TBK1: variants seen among roughly 807,000 people sequenced by gnomAD.
The protein encoded by TBK1 is serine/threonine-protein kinase TBK1.
In TBK1, 37 loss-of-function variants were observed where a neutral mutation model predicts 99.9. The observed-to-expected ratio is 0.37, with a 90% CI of 0.28 to 0.49. The LOEUF (loss-of-function observed/expected upper bound fraction) is 0.49. Among genes scored for constraint, TBK1 ranks in the 20% least tolerant of loss-of-function variants. The pLI is 0.98. For synonymous variants in TBK1, 258 were observed against 279.8 expected, an observed-to-expected ratio of 0.92 and a Z score of 0.78; for missense variants, 644 against 872.5, an observed-to-expected ratio of 0.74 and a Z score of 3.30.
At chr12:64,477,475 A>G (rs938894310) in intron 6 of TBK1, among the ~76,000 whole-genome samples, 1 of 152,162 alleles carries the variant, frequency 6.6e-6, no homozygotes, top group Non-Finnish European at 1.5e-5. Context: ...GTGTATAGAA[A>G]TGCTACTGAT....
intron 20 of TBK1, among the ~76,000 whole-genome samples, chr12:64,499,254 A>C (rs1592378307): frequency 6.6e-6 from 1 of 151,878 alleles, no homozygotes; most frequent in East Asian, 2.0e-4. Context: ...CATGTTGGCC[A>C]TGCTGGTCTT....
At chr12:64,484,684 A>G (rs1462081822) in intron 9 of TBK1, among the ~76,000 whole-genome samples, 185 bp downstream of exon 9, 1 of 152,128 alleles carries the variant, frequency 6.6e-6, no homozygotes, top group Non-Finnish European at 1.5e-5. Context: ...CCCAAGAGGC[A>G]GAGGTTGCAG....
chr12:64,501,400 A>C lies in TBK1; in HGVS notation c.*19A>C, dbSNP rs759279413. ...TCTTTAGCTTTCTAATAGAAGTTTA[A>C]GAAAAGTTTCCGTTTGCACAAGAAA... On this transcript the variant is annotated 3_prime_UTR_variant, in exon 21 of 21. Transcript: ENST00000331710. The C allele has an allele frequency of 6.1e-5, 99 of 1,612,026 alleles. No homozygotes were observed. Among genetic ancestry groups the C allele is most frequent in the Non-Finnish European group, 8.1e-5 (95 of 1,179,594 alleles).
At chr12:64,460,445 A>C in intron 3 of TBK1, 116 bp downstream of exon 3, 1 of 700,090 alleles carries the variant, frequency 1.4e-6, no homozygotes, top group Admixed American at 3.2e-5. Flanking sequence ...TGTACAACCA[A>C]ATACTTTATC....
intron 2 of TBK1, among the ~76,000 whole-genome samples, chr12:64,456,249 G>A (rs2040486382): frequency 6.6e-6 from 1 of 152,126 alleles, no homozygotes; most frequent in African/African-American, 2.4e-5. Context: ...GCTCCCTAAT[G>A]GTAGAGTGAT....
intron 20 of TBK1, among the ~76,000 whole-genome samples, chr12:64,499,511 C>T (rs79044770): frequency 0.039 from 5,984 of 152,004 alleles, 388 homozygotes; most frequent in African/African-American, 0.14. Context: ...TGTCAAACAT[C>T]GTTTAATATG....
At chr12:64,487,946 T>G (rs573201746) in intron 11 of TBK1, among the ~76,000 whole-genome samples, 21 of 152,292 alleles carry the variant, frequency 1.4e-4, no homozygotes, top group African/African-American at 4.6e-4. Context: ...ATTCCAAAAG[T>G]CAAATCTTTT....
At chr12:64,470,860 A>C (rs1053422628) in intron 5 of TBK1, among the ~76,000 whole-genome samples, 1 of 152,220 alleles carries the variant, frequency 6.6e-6, no homozygotes, top group Non-Finnish European at 1.5e-5. Flanking sequence ...AACACAGTTT[A>C]GCTTTTGCCT....
chr12:64,462,949 A>G (rs1190704006), intron 3 of TBK1, among the ~76,000 whole-genome samples: 1 of 152,188 alleles, frequency 6.6e-6, no homozygotes, highest in African/African-American at 2.4e-5. Context: ...AAGAGGGACC[A>G]CTCAGCTGTT....
At position 64,495,685 on chromosome 12, in the gene TBK1, TCTTC is replaced by T; in HGVS notation, c.1644-10_1644-7del. On this transcript the variant is annotated splice_polypyrimidine_tract_variant and intron_variant, in intron 14 of 20. Coordinates refer to ENST00000331710, the MANE Select transcript of TBK1 (RefSeq NM_013254.4). ...GACTCAGTTAATTTATTTGAGTTTTTCTTCCTTAAATAGTGTAGAAAAACTACAA... is the reference window on the plus strand; with the variant it reads ...GACTCAGTTAATTTATTTGAGTTTTTCTTAAATAGTGTAGAAAAACTACAA... The T allele has an allele frequency of 6.2e-7, 1 of 1,612,578 alleles. No individual in the cohort carries two copies. Among genetic ancestry groups the T allele is most frequent in the Non-Finnish European group, 8.5e-7 (1 of 1,179,580 alleles).
intron 4 of TBK1, among the ~76,000 whole-genome samples, chr12:64,464,737 A>G (rs2040584878): frequency 6.6e-6 from 1 of 152,186 alleles, no homozygotes; most frequent in African/African-American, 2.4e-5. Flanking sequence ...TATCCAGACA[A>G]CTCAACAATA....
intron 13 of TBK1, among the ~76,000 whole-genome samples, chr12:64,491,365 A>G (rs2040867561): frequency 6.6e-6 from 1 of 152,186 alleles, no homozygotes; most frequent in South Asian, 2.1e-4. Context: ...TCACACCTCT[A>G]ATCCCAGCAC....
chr12:64,469,145 T>G (rs1266345901), intron 5 of TBK1, among the ~76,000 whole-genome samples: 1 of 151,996 alleles, frequency 6.6e-6, no homozygotes, highest in African/African-American at 2.4e-5. Context: ...GGAGAATGTG[T>G]CATAGAACCT....
At chr12:64,484,629 G>A (rs980352470) in intron 9 of TBK1, 130 bp downstream of exon 9, 1 of 822,978 alleles carries the variant, frequency 1.2e-6, no homozygotes. Context: ...GCTTGCACCT[G>A]TAGTCCCAGC....
At chr12:64,467,782 T>C (rs2040621879) in intron 5 of TBK1, among the ~76,000 whole-genome samples, 1 of 152,228 alleles carries the variant, frequency 6.6e-6, no homozygotes, top group East Asian at 1.9e-4. Context: ...TACCACACCC[T>C]GTAGCTTTAT....
At chr12:64,469,493 T>C (rs1427865572) in intron 5 of TBK1, among the ~76,000 whole-genome samples, 1 of 152,216 alleles carries the variant, frequency 6.6e-6, no homozygotes, top group Non-Finnish European at 1.5e-5. Context: ...CTGTTGGTGG[T>C]CTTCTCAGTT....
intron 13 of TBK1, 46 bp downstream of exon 13, chr12:64,490,165 C>T (rs766664495): frequency 4.0e-5 from 54 of 1,350,006 alleles, no homozygotes; most frequent in Non-Finnish European, 5.4e-5. Context: ...ATAACCTATT[C>T]CTTTGCTGGC....
At chr12:64,452,440 CTGT>C (rs1272011273) in intron 1 of TBK1, 2 of 152,404 alleles carry the variant, frequency 1.3e-5, no homozygotes, top group African/African-American at 2.4e-5. Context: ...CGCGCGGGCC[CTGT>C]TACCTGCATC....
intron 5 of TBK1, among the ~76,000 whole-genome samples, chr12:64,469,894 G>A (rs1393877560): frequency 6.6e-6 from 1 of 151,920 alleles, no homozygotes; most frequent in Admixed American, 6.6e-5. Context: ...ACCTGTCATA[G>A]CCAAAGCCAC....
Sources: allele counts gnomAD v4.1 joint callset (sites outside exome capture counted in the v4.1 genomes callset), GRCh38; gene constraint gnomAD v4.1.1; transcripts MANE v1.5; gene names NCBI Gene and HGNC (gene_info 2026-07-23, HGNC 2026-07-21).